ENTHD1: variants seen among roughly 807,000 people sequenced by gnomAD.
ENTHD1 encodes the protein ENTH domain-containing protein 1.
A neutral mutation model predicts 39.1 loss-of-function variants in ENTHD1; 23 were observed. That is an observed-to-expected ratio of 0.59 (90% CI 0.42 to 0.83). The LOEUF (loss-of-function observed/expected upper bound fraction) is 0.83, where lower values mean the gene tolerates loss of function less well. Among genes scored for constraint, ENTHD1 ranks in the 40% least tolerant of loss-of-function variants. The probability of loss-of-function intolerance (pLI) is 0.00; values close to 1 mark genes in which losing one functional copy is unlikely to be tolerated. For missense variants in ENTHD1, 624 were observed against 705.4 expected (o/e 0.88, Z 1.31); for synonymous variants, 230 against 258.2 (o/e 0.89, Z 1.05).
intron 1 of ENTHD1, among the ~76,000 whole-genome samples, chr22:39,889,851 C>T (rs1017065349): frequency 7.2e-5 from 11 of 151,994 alleles, no homozygotes; most frequent in African/African-American, 2.7e-4. Flanking sequence ...AATCCTAGCA[C>T]TTTGGGAGGC....
intron 4 of ENTHD1, among the ~76,000 whole-genome samples, chr22:39,827,752 T>G (rs2065837895): frequency 6.6e-6 from 1 of 152,178 alleles, no homozygotes; most frequent in African/African-American, 2.4e-5. Flanking sequence ...TTTAGGAGGA[T>G]AATTTGGCAG....
chr22:39,810,567 C>T (rs978011702), intron 5 of ENTHD1, among the ~76,000 whole-genome samples: 7 of 152,188 alleles, frequency 4.6e-5, no homozygotes, highest in African/African-American at 1.7e-4. Flanking sequence ...GGGGAAATTA[C>T]AGAAATTAAT....
chr22:39,851,763 G>A (rs1313635860), intron 3 of ENTHD1, among the ~76,000 whole-genome samples: 1 of 152,172 alleles, frequency 6.6e-6, no homozygotes, highest in African/African-American at 2.4e-5. Context: ...AGAATGCCAA[G>A]TCACTCTGAC....
chr22:39,813,191 T>C (rs1260730681), intron 5 of ENTHD1, among the ~76,000 whole-genome samples: 1 of 152,184 alleles, frequency 6.6e-6, no homozygotes, highest in African/African-American at 2.4e-5. Flanking sequence ...ACACCTTATT[T>C]ATTTTCACAG....
intron 2 of ENTHD1, among the ~76,000 whole-genome samples, chr22:39,874,742 T>A (rs1486836136): frequency 2.0e-5 from 3 of 152,194 alleles, no homozygotes; most frequent in Non-Finnish European, 4.4e-5. Flanking sequence ...GCAAAAGATG[T>A]CCTTGTGGGC....
At chr22:39,745,219 T>C (rs2065093996) in intron 6 of ENTHD1, among the ~76,000 whole-genome samples, 2 of 152,222 alleles carry the variant, frequency 1.3e-5, no homozygotes, top group Admixed American at 6.5e-5. Flanking sequence ...TCCTGGAATA[T>C]CTATTTACAT....
At chr22:39,780,001 C>T (rs1018867248) in intron 5 of ENTHD1, among the ~76,000 whole-genome samples, 5 of 151,944 alleles carry the variant, frequency 3.3e-5, no homozygotes, top group African/African-American at 4.8e-5. Flanking sequence ...ATCACTTAAC[C>T]GCAAAAGAAG....
chr22:39,887,249 G>T, intron 2 of ENTHD1, 151 bp downstream of exon 2: 1 of 615,084 alleles, frequency 1.6e-6, no homozygotes, highest in Non-Finnish European at 2.7e-6. Flanking sequence ...TGCCCAGGCC[G>T]GAGTACAGTG....
chr22:39,772,805 T>C (rs1277129340), intron 5 of ENTHD1, among the ~76,000 whole-genome samples: 1 of 152,096 alleles, frequency 6.6e-6, no homozygotes. Flanking sequence ...CATGGAACGA[T>C]AAGTATAAGA....
At chr22:39,798,197 A>G (rs1601601278) in intron 5 of ENTHD1, among the ~76,000 whole-genome samples, 2 of 151,938 alleles carry the variant, frequency 1.3e-5, no homozygotes, top group African/African-American at 4.8e-5. Context: ...TCATGCTTCC[A>G]AATTCTTTCT....
chr22:39,849,252 T>C (rs1601639527), intron 3 of ENTHD1, among the ~76,000 whole-genome samples: 1 of 152,246 alleles, frequency 6.6e-6, no homozygotes, highest in East Asian at 1.9e-4. Context: ...TGGATTTCGA[T>C]TGTAACTGCA....
At chr22:39,817,424 G>A (rs758781632) in intron 5 of ENTHD1, among the ~76,000 whole-genome samples, 7 of 152,186 alleles carry the variant, frequency 4.6e-5, no homozygotes, top group South Asian at 2.1e-4. Context: ...GACATACACC[G>A]AAGGATAGTC....
intron 5 of ENTHD1, among the ~76,000 whole-genome samples, chr22:39,801,399 C>G (rs2065597341): frequency 6.6e-6 from 1 of 152,202 alleles, no homozygotes; most frequent in Non-Finnish European, 1.5e-5. Flanking sequence ...AAAGAAACAT[C>G]TGCTGCAAAA....
Position 39,861,751 on chromosome 22 carries a change from T to G in ENTHD1, c.592+14A>C. On this transcript the variant is annotated intron_variant, in intron 3 of 6. Coordinates refer to ENST00000325157, the MANE Select transcript of ENTHD1 (RefSeq NM_152512.4). ...ATACCTGTTGCATTTTAGGCCAATGTTCATTATACGTACTTTTATTATGTA... is the reference window on the plus strand; with the variant it reads ...ATACCTGTTGCATTTTAGGCCAATGGTCATTATACGTACTTTTATTATGTA... The G allele has an allele frequency of 2.0e-6, 3 of 1,470,272 alleles. No individual in the cohort carries two copies. Among genetic ancestry groups the G allele is most frequent in the Non-Finnish European group, 1.8e-6 (2 of 1,097,866 alleles). The allele number at this position is 1,470,272 out of a possible 1,614,324, so 91.1% of individuals were successfully genotyped here.
intron 3 of ENTHD1, among the ~76,000 whole-genome samples, chr22:39,845,485 G>A (rs1223905328): frequency 1.3e-5 from 2 of 152,104 alleles, no homozygotes; most frequent in Non-Finnish European, 2.9e-5. Flanking sequence ...GTAGAAAAAC[G>A]AGCAGAGAAG....
At position 39,867,761 on chromosome 22, in the gene ENTHD1, CCAGCCTGGG is replaced by C. The variant is rs1240496507; in HGVS notation, c.350-5763_350-5755del. ...TGAGCCGAGATCGCGCCATTGCACT[CCAGCCTGGG>C]CGATGAGAGCACAACTCCGTCTCAA... On this transcript the variant is annotated intron_variant, in intron 2 of 6. Coordinates refer to ENST00000325157, the MANE Select transcript of ENTHD1 (RefSeq NM_152512.4). The surrounding 1 kb of genome is among the most constrained non-coding windows in gnomAD (Gnocchi z 4.5). Among the ~76,000 whole-genome samples, 1 of 152,008 alleles carries C rather than the reference CCAGCCTGGG, an allele frequency of 6.6e-6. No individual in the cohort carries two copies. The highest frequency in any genetic ancestry group is 1.9e-4 in the East Asian group (1 of 5,188).
At chr22:39,841,321 G>T (rs1164280120) in intron 3 of ENTHD1, among the ~76,000 whole-genome samples, 2 of 152,262 alleles carry the variant, frequency 1.3e-5, no homozygotes, top group East Asian at 3.9e-4. Context: ...ACTCAGATTT[G>T]CATGTGGGAG....
Position 39,863,047 on chromosome 22 carries a change from C to T in ENTHD1, c.350-1040G>A, listed in dbSNP as rs139272491. Among the ~76,000 whole-genome samples, 3 of 152,340 alleles carry T rather than the reference C, an allele frequency of 2.0e-5. No individual in the cohort carries two copies. In the East Asian group the frequency reaches 5.8e-4, roughly 29 times the overall value. On this transcript the variant is annotated intron_variant, in intron 2 of 6. Coordinates refer to ENST00000325157, the MANE Select transcript of ENTHD1 (RefSeq NM_152512.4). ...AAGGCGCCATCTTGGAAGCAGACAG[C>T]AGCCCTCACTAGACAACTGAACCTG... is the stretch of plus-strand genomic sequence containing the variant.
At chr22:39,862,910 T>C (rs2066154410) in intron 2 of ENTHD1, among the ~76,000 whole-genome samples, 1 of 152,144 alleles carries the variant, frequency 6.6e-6, no homozygotes. Flanking sequence ...TAAAGGTCCT[T>C]ATAAAAGAGG....
Sources: gnomAD v4.1 joint callset for allele counts (sites outside exome capture counted in the v4.1 genomes callset) on GRCh38, gnomAD v4.1.1 for gene constraint, Gnocchi (gnomAD v3.1) non-coding constraint, MANE v1.5 for transcripts, NCBI Gene and HGNC (gene_info 2026-07-23, HGNC 2026-07-21) for gene names.